Variants in ATP5PO observed in about 807,000 individuals in gnomAD.
ATP5PO encodes ATP synthase peripheral stalk subunit OSCP, mitochondrial.
Under a neutral mutation model 26.2 loss-of-function variants are expected in ATP5PO, and 14 were observed. That is an observed-to-expected ratio of 0.53 (90% confidence interval 0.35 to 0.83). The LOEUF (loss-of-function observed/expected upper bound fraction) is 0.83, where lower values mean the gene tolerates loss of function less well. Ranked by LOEUF, ATP5PO falls within the 40% of genes least tolerant of loss-of-function variation. The pLI is 0.01. For missense variants in ATP5PO, 241 were observed against 258.5 expected, an observed-to-expected ratio of 0.93 and a Z score of 0.46; for synonymous variants, 106 against 95.1, an observed-to-expected ratio of 1.12 and a Z score of -0.67.
chr21:33,906,773 A>G (rs1280335890), intron 5 of ATP5PO: 1 of 456,270 alleles, frequency 2.2e-6, no homozygotes, highest in Non-Finnish European at 4.4e-6. Flanking sequence ...GGGTCACTTG[A>G]GCCCAGAAGT....
chr21:33,907,597 T>A (rs987458797), intron 4 of ATP5PO, 144 bp from the exon 5 acceptor site: 20 of 645,236 alleles, frequency 3.1e-5, no homozygotes, highest in Middle Eastern at 3.5e-4. Flanking sequence ...TCCCAACTAC[T>A]GGAGGCTGAG....
chr21:33,905,362 T>C (rs111271147), intron 5 of ATP5PO, among the ~76,000 whole-genome samples: 2,142 of 152,232 alleles, frequency 0.014, 47 homozygotes, highest in African/African-American at 0.049. Flanking sequence ...CCGGTCATTA[T>C]GCCCATTTTA....
At position 33,907,437 on chromosome 21, in the gene ATP5PO, A is replaced by G. The variant is rs755168400; in HGVS notation, c.345T>C (p.Asn115=). The change falls in exon 5 of 7, where the codon AAT becomes AAC. Residue 115 remains asparagine, a synonymous_variant. Coordinates refer to ENST00000290299, the MANE Select transcript of ATP5PO (RefSeq NM_001697.3). ...CTCCTTGGGTATTGCTTAATCGACC[A>G]TTTTCAGCAAGCAAATCTGCCAGAG... is the stretch of plus-strand genomic sequence containing the variant. ...TTNLINLLAE[N]GRLSNTQGVV... The G allele has an allele frequency of 6.2e-7, 1 of 1,613,936 alleles. No homozygotes were observed. Among genetic ancestry groups the G allele is most frequent in the Non-Finnish European group, 8.5e-7 (1 of 1,179,954 alleles).
chr21:33,907,278 T>C, intron 5 of ATP5PO, 63 bp downstream of exon 5: 2 of 1,417,194 alleles, frequency 1.4e-6, no homozygotes, highest in South Asian at 1.2e-5. Context: ...TTCCCTTTTC[T>C]TCCTGCAAAA....
At chr21:33,910,986 G>T (rs1462793654) in intron 3 of ATP5PO, among the ~76,000 whole-genome samples, 1 of 152,126 alleles carries the variant, frequency 6.6e-6, no homozygotes, top group Non-Finnish European at 1.5e-5. Context: ...CCTATGAATT[G>T]TTTTTTCTAA....
chr21:33,907,654 T>C (rs1055943597), intron 4 of ATP5PO, among the ~76,000 whole-genome samples: 2 of 152,084 alleles, frequency 1.3e-5, no homozygotes, highest in Non-Finnish European at 2.9e-5. Flanking sequence ...GCCAAAATAG[T>C]GAGATCCCAT....
intron 3 of ATP5PO, among the ~76,000 whole-genome samples, chr21:33,909,468 G>A (rs1259248319): frequency 6.6e-6 from 1 of 152,108 alleles, no homozygotes; most frequent in Non-Finnish European, 1.5e-5. Flanking sequence ...GTTTCGCCAT[G>A]TTGACCAGGC....
At position 33,912,250 on chromosome 21, in the gene ATP5PO, A is replaced by T. The variant is rs368448400; in HGVS notation, c.198+39T>A. On this transcript the variant is annotated intron_variant, in intron 3 of 6. Transcript: ENST00000290299. ...AACAACCAAAGGAAAAAATATACAA[A>T]CAGGAACTTCATATGTAATGAATAG... The T allele has an allele frequency of 4.2e-4, 651 of 1,549,586 alleles. 1 individual carries two copies. Among genetic ancestry groups the T allele is most frequent in the Non-Finnish European group, 5.5e-4 (619 of 1,129,568 alleles).
chr21:33,905,888 G>A (rs1422235895), intron 5 of ATP5PO, among the ~76,000 whole-genome samples: 1 of 136,928 alleles, frequency 7.3e-6, no homozygotes. Flanking sequence ...CTCCAGCCTG[G>A]GTGACAGAGT....
At chr21:33,908,232 A>ATT (rs1399978677) in intron 4 of ATP5PO, among the ~76,000 whole-genome samples, 1 of 147,190 alleles carries the variant, frequency 6.8e-6, no homozygotes, top group African/African-American at 2.5e-5. Flanking sequence ...CGCATATCCA[A>ATT]TTTTTTTTTT....
intron 5 of ATP5PO, among the ~76,000 whole-genome samples, chr21:33,906,159 G>A (rs1987169692): frequency 6.6e-6 from 1 of 152,112 alleles, no homozygotes; most frequent in African/African-American, 2.4e-5. Flanking sequence ...TAAGTATGAT[G>A]TGCTAGGATG....
At chr21:33,914,076 C>A (rs1316620536) in intron 2 of ATP5PO, among the ~76,000 whole-genome samples, 1 of 152,070 alleles carries the variant, frequency 6.6e-6, no homozygotes, top group African/African-American at 2.4e-5. Context: ...CCGCGCCCAG[C>A]CCGGTACCTT....
chr21:33,908,907 G>T, intron 4 of ATP5PO, 175 bp downstream of exon 4: 3 of 639,538 alleles, frequency 4.7e-6, no homozygotes, highest in Non-Finnish European at 7.5e-6. Flanking sequence ...ATGTGCAAAC[G>T]ATTCACTTAG....
Position 33,915,712 on chromosome 21 carries a change from A to G in ATP5PO, c.36+16T>C, listed in dbSNP as rs764281169. 4.7e-5 allele frequency: 73 copies of G among 1,569,174 alleles called. No individual in the cohort carries two copies. Among genetic ancestry groups the G allele is most frequent in the Non-Finnish European group, 6.1e-5 (71 of 1,157,146 alleles). On this transcript the variant is annotated intron_variant, in intron 1 of 6. Transcript: ENST00000290299. ...AGGGATCCTCCCACTGGCTCTCAGG[A>G]CCACCTTTCTCTCACCTGCCGGGAG...
At chr21:33,914,329 C>A (rs1987286247) in intron 2 of ATP5PO, 121 bp downstream of exon 2, 1 of 961,928 alleles carries the variant, frequency 1.0e-6, no homozygotes, top group East Asian at 2.5e-5. Flanking sequence ...ATTTTGGGAA[C>A]CACAAGTCAC....
Position 33,915,723 on chromosome 21 carries a change from C to A in ATP5PO, c.36+5G>T. ...CACTGGCTCTCAGGACCACCTTTCTCTCACCTGCCGGGAGAGCCCGGACAC... is the reference window on the plus strand; with the variant it reads ...CACTGGCTCTCAGGACCACCTTTCTATCACCTGCCGGGAGAGCCCGGACAC... On this transcript the variant is annotated splice_donor_5th_base_variant and intron_variant, in intron 1 of 6. Coordinates refer to ENST00000290299, the MANE Select transcript of ATP5PO (RefSeq NM_001697.3). 2 of 1,572,654 alleles carry A rather than the reference C, an allele frequency of 1.3e-6. No individual in the cohort carries two copies. Among genetic ancestry groups the A allele is most frequent in the Non-Finnish European group, 1.7e-6 (2 of 1,158,894 alleles).
rs144779561 is a variant in ATP5PO at position 33,915,740 on chromosome 21, C to A, written c.24G>T (p.Gly8=). 1.0e-4 allele frequency: 161 copies of A among 1,576,856 alleles called. No homozygotes were observed. In the East Asian group the frequency reaches 1.2e-3, roughly 11 times the overall value. ...ACCTTTCTCTCACCTGCCGGGAGAGCCCGGACACTGCTGGGGCAGCCATCT... is the reference window on the plus strand; with the variant it reads ...ACCTTTCTCTCACCTGCCGGGAGAGACCGGACACTGCTGGGGCAGCCATCT... MAAPAVS[G]LSRQVRCFST... The change falls in exon 1 of 7, where the codon GGG becomes GGT. Residue 8 remains glycine, a synonymous_variant. Coordinates refer to ENST00000290299, the MANE Select transcript of ATP5PO (RefSeq NM_001697.3).
chr21:33,911,820 C>T (rs1403184769), intron 3 of ATP5PO, among the ~76,000 whole-genome samples: 1 of 151,934 alleles, frequency 6.6e-6, no homozygotes, highest in Admixed American at 6.6e-5. Context: ...TTCACTACCA[C>T]GTCCCGCTAA....
At chr21:33,914,939 A>T (rs1252565604) in intron 1 of ATP5PO, 3 of 157,246 alleles carry the variant, frequency 1.9e-5, no homozygotes, top group African/African-American at 7.2e-5. Context: ...GCAGAGTTTG[A>T]TCTGACAAGA....
Sources: allele counts gnomAD v4.1 joint callset (sites outside exome capture counted in the v4.1 genomes callset), GRCh38; gene constraint gnomAD v4.1.1; transcripts MANE v1.5; gene names NCBI Gene and HGNC (gene_info 2026-07-23, HGNC 2026-07-21).